ETV6: variants seen among roughly 807,000 people sequenced by gnomAD.
ETV6 encodes the protein ETS variant transcription factor 6.
ETV6 carries 16 observed loss-of-function variants against 51.1 expected under a neutral mutation model. The observed-to-expected ratio is 0.31, with a 90% confidence interval of 0.21 to 0.48. The LOEUF is 0.48. Among genes scored for constraint, ETV6 ranks in the 20% least tolerant of loss-of-function variants. ETV6 has a pLI of 0.99. For synonymous variants in ETV6, 240 were observed against 224.1 expected (o/e 1.07, Z -0.64); for missense variants, 458 against 594.8 (o/e 0.77, Z 2.39).
In ETV6 at chr12:11,853,339, C is replaced by A. The variant is rs571196065; in HGVS notation, c.329-88C>A. 32 of 1,513,554 alleles carry A rather than the reference C, an allele frequency of 2.1e-5. No individual in the cohort carries two copies. The African/African-American group carries it at 2.6e-4, about 12-fold the overall frequency. The allele number at this position is 1,513,554 out of a possible 1,614,324, so 93.8% of individuals were successfully genotyped here. A position where few individuals can be genotyped will look rare whatever the true frequency, so the allele number is the denominator to read the frequency against. ...TGCGCTCCAATTGTATCTTTGGCAC[C>A]GTGCCAGGCACTTAGCTGCTGCTCC... On this transcript the variant is annotated intron_variant, in intron 3 of 7. Coordinates refer to ENST00000396373, the MANE Select transcript of ETV6 (RefSeq NM_001987.5).
At chr12:11,846,872 G>GTTTGT (rs950855203) in intron 3 of ETV6, among the ~76,000 whole-genome samples, 7 of 152,110 alleles carry the variant, frequency 4.6e-5, no homozygotes, top group Admixed American at 1.3e-4. Context: ...GTTTGTTTTT[G>GTTTGT]TTTGTTTTGT....
intron 2 of ETV6, among the ~76,000 whole-genome samples, chr12:11,773,351 GCTCAAGT>G (rs1408796788): frequency 3.3e-5 from 5 of 151,486 alleles, no homozygotes; most frequent in African/African-American, 1.2e-4. Context: ...AAATCTTTCT[GCTCAAGT>G]CTCAACTACA....
At chr12:11,695,281 C>T (rs1234703841) in intron 1 of ETV6, among the ~76,000 whole-genome samples, 1 of 152,100 alleles carries the variant, frequency 6.6e-6, no homozygotes. Flanking sequence ...GGGATAGGGA[C>T]AGGGATAGAA....
Position 11,853,483 on chromosome 12 carries a change from CT to C in ETV6, c.391del (p.Ser131HisfsTer78). On this transcript the variant is annotated frameshift_variant, in exon 4 of 8. Coordinates refer to ENST00000396373, the MANE Select transcript of ETV6 (RefSeq NM_001987.5). LOFTEE classifies it high-confidence loss of function. ...HILKQRKPRI[L>X]FSPFFHPGNS... ...TCTGAAGCAGAGGAAACCTCGGATTCTTTTTTCACCATTCTTCCACCCTGGA... is the reference window on the plus strand; with the variant it reads ...TCTGAAGCAGAGGAAACCTCGGATTCTTTTTCACCATTCTTCCACCCTGGA... 1 of 1,614,196 alleles carries C rather than the reference CT, an allele frequency of 6.2e-7. No homozygotes were observed. Among genetic ancestry groups the C allele is most frequent in the Non-Finnish European group, 8.5e-7 (1 of 1,180,030 alleles).
rs946175655 is a variant in ETV6, at chr12:11,816,794, A to C, written c.164-22346A>C. On this transcript the variant is annotated intron_variant, in intron 2 of 7. Coordinates refer to ENST00000396373, the MANE Select transcript of ETV6 (RefSeq NM_001987.5). ...AGAAAGGGTGGGAGGGAGGTGGCTGAAGGGTCCCCACTGCAGTTGACAATT... is the reference window on the plus strand; with the variant it reads ...AGAAAGGGTGGGAGGGAGGTGGCTGCAGGGTCCCCACTGCAGTTGACAATT... Among the ~76,000 whole-genome samples the C allele has an allele frequency of 2.0e-5, 3 of 152,314 alleles. 1 individual carries two copies. The highest frequency in any genetic ancestry group is 6.8e-3 in the Middle Eastern group (2 of 294).
intron 1 of ETV6, among the ~76,000 whole-genome samples, chr12:11,667,303 T>G (rs1001492628): frequency 2.0e-5 from 3 of 152,220 alleles, no homozygotes; most frequent in Non-Finnish European, 2.9e-5. Flanking sequence ...CCTTGCTCAA[T>G]GTCTTCACTG....
At chr12:11,750,279 C>G (rs1322807072) in intron 1 of ETV6, among the ~76,000 whole-genome samples, 1 of 152,196 alleles carries the variant, frequency 6.6e-6, no homozygotes. Context: ...TATACACTTT[C>G]AGGGTAATAG....
intron 5 of ETV6, among the ~76,000 whole-genome samples, chr12:11,872,090 C>A (rs150803340): frequency 3.9e-5 from 6 of 152,236 alleles, no homozygotes; most frequent in Admixed American, 3.9e-4. Context: ...TTGCAGATAC[C>A]TTTTGCTTGT....
At chr12:11,779,665 A>G (rs1309519775) in intron 2 of ETV6, among the ~76,000 whole-genome samples, 1 of 152,220 alleles carries the variant, frequency 6.6e-6, no homozygotes, top group African/African-American at 2.4e-5. Context: ...GAGTTGTTAA[A>G]ATAATCACTG....
intron 5 of ETV6, among the ~76,000 whole-genome samples, chr12:11,881,502 G>GC (rs962521768): frequency 1.3e-5 from 2 of 152,202 alleles, no homozygotes; most frequent in Non-Finnish European, 2.9e-5. Flanking sequence ...GGCAGATGAG[G>GC]CATCTGGTGA....
intron 1 of ETV6, among the ~76,000 whole-genome samples, chr12:11,691,156 T>C (rs1864753904): frequency 6.6e-6 from 1 of 152,090 alleles, no homozygotes; most frequent in Admixed American, 6.5e-5. Context: ...AGGCCTCTTT[T>C]ATACGAACCT....
intron 1 of ETV6, among the ~76,000 whole-genome samples, chr12:11,708,734 GCCACTCAA>G (rs1865117602): frequency 6.6e-6 from 1 of 152,150 alleles, no homozygotes; most frequent in African/African-American, 2.4e-5. Flanking sequence ...GACACCCAGT[GCCACTCAA>G]CCAACCCTGC....
At chr12:11,836,087 G>C (rs1946311326) in intron 2 of ETV6, among the ~76,000 whole-genome samples, 1 of 152,210 alleles carries the variant, frequency 6.6e-6, no homozygotes, top group Admixed American at 6.5e-5. Context: ...AAATCAGCCT[G>C]ATTAGAATTG....
At chr12:11,713,374 T>G (rs966539868) in intron 1 of ETV6, among the ~76,000 whole-genome samples, 1 of 152,232 alleles carries the variant, frequency 6.6e-6, no homozygotes, top group Non-Finnish European at 1.5e-5. Flanking sequence ...GTCTAGACTT[T>G]CCGTTAAGAT....
chr12:11,700,510 G>A (rs557324117), intron 1 of ETV6, among the ~76,000 whole-genome samples: 2 of 152,188 alleles, frequency 1.3e-5, no homozygotes, highest in East Asian at 3.9e-4. Flanking sequence ...TATAACTTCT[G>A]AGTCCCCAAA....
intron 1 of ETV6, chr12:11,751,474 T>C: frequency 1.9e-6 from 1 of 518,016 alleles, no homozygotes; most frequent in Non-Finnish European, 3.9e-6. Flanking sequence ...GGACTGCAAG[T>C]CAACCTAGTT....
chr12:11,885,522 T>C (rs900145151), intron 6 of ETV6, among the ~76,000 whole-genome samples: 1 of 152,106 alleles, frequency 6.6e-6, no homozygotes, highest in South Asian at 2.1e-4. Flanking sequence ...GAAAAGGTCA[T>C]TGCAACAAAA....
intron 3 of ETV6, among the ~76,000 whole-genome samples, chr12:11,841,995 T>C (rs1373239300): frequency 6.9e-6 from 1 of 144,948 alleles, no homozygotes; most frequent in African/African-American, 2.6e-5. Context: ...GGCAGGAGAA[T>C]GGCGTGAACC....
chr12:11,826,788 C>A (rs973778233), intron 2 of ETV6, among the ~76,000 whole-genome samples: 2 of 152,072 alleles, frequency 1.3e-5, no homozygotes, highest in African/African-American at 4.8e-5. Context: ...CAGATAAGCC[C>A]AGGGACAAAG....
Sources: gnomAD v4.1 joint callset for allele counts (sites outside exome capture counted in the v4.1 genomes callset) on GRCh38, gnomAD v4.1.1 for gene constraint, MANE v1.5 for transcripts, NCBI Gene and HGNC (gene_info 2026-07-23, HGNC 2026-07-21) for gene names.